FBLN7: variants seen among roughly 807,000 people sequenced by gnomAD.
The protein encoded by FBLN7 is fibulin-7.
A neutral mutation model predicts 44.0 loss-of-function variants in FBLN7; 31 were observed. The observed-to-expected ratio is 0.70, with a 90% confidence interval of 0.53 to 0.95. The LOEUF (loss-of-function observed/expected upper bound fraction) is 0.95, where lower values mean the gene tolerates loss of function less well. Ranked by LOEUF, FBLN7 falls within the 40% of genes least tolerant of loss-of-function variation. FBLN7 has a pLI of 0.00. For missense variants in FBLN7, 573 were observed against 618.5 expected (o/e 0.93, Z 0.78); for synonymous variants, 262 against 253.4 (o/e 1.03, Z -0.32).
intron 1 of FBLN7, among the ~76,000 whole-genome samples, chr2:112,147,643 G>A (rs915926496): frequency 2.6e-5 from 4 of 152,096 alleles, no homozygotes; most frequent in Non-Finnish European, 4.4e-5. Flanking sequence ...GTGGCCCTGC[G>A]GCTACACAGG....
the FBLN7 span, among the ~76,000 whole-genome samples, chr2:112,232,408 A>T: frequency 6.6e-6 from 1 of 152,132 alleles, no homozygotes; most frequent in Non-Finnish European, 1.5e-5. Context: ...AATACATTTA[A>T]AAATCTAATT....
chr2:112,239,327 A>G, the FBLN7 span, among the ~76,000 whole-genome samples: 1 of 152,204 alleles, frequency 6.6e-6, no homozygotes, highest in Admixed American at 6.5e-5. Context: ...AGTATGTATG[A>G]CACATTTTAA....
At chr2:112,212,964 G>GTTTTTT in the FBLN7 span, 1 of 99,442 alleles carries the variant, frequency 1.0e-5, no homozygotes, top group African/African-American at 4.0e-5. Flanking sequence ...CAGAAGAAAT[G>GTTTTTT]CTTTTTTTTT....
chr2:112,172,627 CTTTT>C (rs35062438), intron 3 of FBLN7, among the ~76,000 whole-genome samples: 2 of 88,152 alleles, frequency 2.3e-5, no homozygotes, highest in African/African-American at 4.6e-5. Context: ...CTTTTTCTTT[CTTTT>C]TTTTTTTTTT....
chr2:112,207,540 T>C, the FBLN7 span, among the ~76,000 whole-genome samples: 1 of 152,184 alleles, frequency 6.6e-6, no homozygotes, highest in African/African-American at 2.4e-5. Context: ...TAGACCAAGT[T>C]AACTGATAGT....
At chr2:112,175,561 G>A (rs780926612) in intron 3 of FBLN7, among the ~76,000 whole-genome samples, 153 bp from the exon 4 acceptor site, 12 of 152,226 alleles carry the variant, frequency 7.9e-5, no homozygotes, top group Non-Finnish European at 1.8e-4. Context: ...CAGCTCTTGC[G>A]GGTGGAGAGG....
At chr2:112,182,965 A>C in intron 6 of FBLN7, 37 bp downstream of exon 6, 1 of 1,605,474 alleles carries the variant, frequency 6.2e-7, no homozygotes, top group Non-Finnish European at 8.5e-7. Flanking sequence ...GCACCCAGCC[A>C]CCTGCTGCTG....
chr2:112,140,497 G>GTCACC (rs1045462505), intron 1 of FBLN7, among the ~76,000 whole-genome samples: 2 of 152,158 alleles, frequency 1.3e-5, no homozygotes, highest in African/African-American at 4.8e-5. Flanking sequence ...TCCCCCACCT[G>GTCACC]TCACCTCAGA....
At chr2:112,149,225 G>A (rs1238353391) in intron 1 of FBLN7, among the ~76,000 whole-genome samples, 1 of 152,182 alleles carries the variant, frequency 6.6e-6, no homozygotes, top group Admixed American at 6.5e-5. Flanking sequence ...CTCCCTTGGG[G>A]TCATTTCTGG....
intron 1 of FBLN7, among the ~76,000 whole-genome samples, chr2:112,144,560 T>A (rs1680813043): frequency 6.7e-6 from 1 of 148,842 alleles, no homozygotes; most frequent in Non-Finnish European, 1.5e-5. Context: ...AGTCTTGCTC[T>A]GTCACTCAGG....
intron 1 of FBLN7, chr2:112,151,686 T>C (rs1448892575): frequency 6.6e-6 from 1 of 152,180 alleles, no homozygotes; most frequent in African/African-American, 2.4e-5. Flanking sequence ...ATAGACAAAA[T>C]GTGCTGCCAT....
intron 2 of FBLN7, 135 bp downstream of exon 2, chr2:112,159,970 C>T (rs1411843847): frequency 1.7e-6 from 1 of 600,794 alleles, no homozygotes; most frequent in Non-Finnish European, 2.4e-6. Context: ...TGTGGCCCCC[C>T]CTTTTTTATT....
At position 112,187,145 on chromosome 2, in the gene FBLN7, G is replaced by A. The variant is rs757234528; in HGVS notation, c.959G>A (p.Arg320Gln). 20 of 1,613,796 alleles carry A rather than the reference G, an allele frequency of 1.2e-5. No homozygotes were observed. Among genetic ancestry groups the A allele is most frequent in the African/African-American group, 5.3e-5 (4 of 74,922 alleles). The change falls in exon 8 of 8, where the codon CGG (arginine) becomes CAG (glutamine). Residue 320 changes from arginine (R) to glutamine (Q), a missense_variant. Arg to Gln is a conservative substitution (Grantham distance 43). Coordinates refer to ENST00000331203, the MANE Select transcript of FBLN7 (RefSeq NM_153214.3). This position sits in a 1 kb window ranked among gnomAD's most constrained non-coding sequence, Gnocchi z 5.1. The stretch of plus-strand genomic sequence containing the variant: ...CCTCTCCGCTCCAGCCAGTGTGAGC[G>A]GAACCCCTGCCCCATGGACAGCAGG... Reference protein sequence around the residue: ...YVKTSPFQCERNPCPMDSRPC... With the variant: ...YVKTSPFQCEQNPCPMDSRPC...
In FBLN7 at chr2:112,185,228, C is replaced by T. The variant is rs560016257; in HGVS notation, c.836C>T (p.Pro279Leu). The change falls in exon 7 of 8, where the codon CCG (proline) becomes CTG (leucine). Residue 279 changes from proline (P) to leucine (L), a missense_variant. Transcript: ENST00000331203. ...GTGGATGAATGTGTGGGCCTGCAGCCGGTGTGCCCCCAGGGGACCACATGC... is the reference window on the plus strand; with the variant it reads ...GTGGATGAATGTGTGGGCCTGCAGCTGGTGTGCCCCCAGGGGACCACATGC... ...EDVDECVGLQ[P>L]VCPQGTTCIN... 103 of 1,613,742 alleles carry T rather than the reference C, an allele frequency of 6.4e-5. 2 individuals carry two copies. In the South Asian group the frequency reaches 9.7e-4, roughly 15 times the overall value.
In FBLN7 at chr2:112,159,756, C is replaced by T. The variant is rs1170054863; in HGVS notation, c.156C>T (p.Ala52=). 8.1e-6 allele frequency: 13 copies of T among 1,604,150 alleles called. No individual in the cohort carries two copies. The highest frequency in any genetic ancestry group is 3.3e-4 in the Middle Eastern group (2 of 5,982). Residue 52 remains alanine, a synonymous_variant, in exon 2 of 8, where the codon GCC becomes GCT. Coordinates refer to ENST00000331203, the MANE Select transcript of FBLN7 (RefSeq NM_153214.3). ...QLLKGQETRF[A]EGIRHMKSRL... ...TGAAGGGCCAGGAGACACGCTTCGC[C>T]GAGGGCATCCGCCACATGAAGAGCC... is the stretch of plus-strand genomic sequence containing the variant.
the FBLN7 span, chr2:112,236,423 G>T: frequency 8.9e-7 from 1 of 1,121,006 alleles, no homozygotes; most frequent in Non-Finnish European, 1.2e-6. Context: ...GACAGTAAAA[G>T]GACATCTTCA....
At chr2:112,200,265 C>CGG in the FBLN7 span, among the ~76,000 whole-genome samples, 1 of 152,132 alleles carries the variant, frequency 6.6e-6, no homozygotes, top group Non-Finnish European at 1.5e-5. Flanking sequence ...TTAAGATTCT[C>CGG]AAGCTTGGAA....
rs1395632965 is a variant in FBLN7 at position 112,187,661 on chromosome 2, G to A, written c.*155G>A. ...GGGCAGCGTTGCACGGCGCCCCATG[G>A]AATAGCACGGAAGAGCAGCCACAAA... On this transcript the variant is annotated 3_prime_UTR_variant, in exon 8 of 8. Coordinates refer to ENST00000331203, the MANE Select transcript of FBLN7 (RefSeq NM_153214.3). The surrounding 1 kb of genome is among the most constrained non-coding windows in gnomAD (Gnocchi z 5.1). 15 of 982,390 alleles carry A rather than the reference G, an allele frequency of 1.5e-5. No homozygotes were observed. Among genetic ancestry groups the A allele is most frequent in the Non-Finnish European group, 2.2e-5 (15 of 667,876 alleles). 60.9% of individuals were successfully genotyped at this position (982,390 alleles called of 1,614,324 possible). A position where few individuals can be genotyped will look rare whatever the true frequency, so the allele number is the denominator to read the frequency against.
At chr2:112,170,983 T>C (rs1682427383) in intron 3 of FBLN7, among the ~76,000 whole-genome samples, 1 of 152,140 alleles carries the variant, frequency 6.6e-6, no homozygotes, top group Admixed American at 6.5e-5. Flanking sequence ...TGGATGATGG[T>C]GTGCCGGGTG....
Sources: gnomAD v4.1 joint callset for allele counts (sites outside exome capture counted in the v4.1 genomes callset) on GRCh38, gnomAD v4.1.1 for gene constraint, Gnocchi (gnomAD v3.1) non-coding constraint, MANE v1.5 for transcripts, NCBI Gene and HGNC (gene_info 2026-07-23, HGNC 2026-07-21) for gene names.